B3GALT1: variants seen among roughly 807,000 people sequenced by gnomAD.
The protein encoded by B3GALT1 is UDP-Gal:betaGlcNAc beta 1,3-galactosyltransferase, polypeptide 1.
Under a neutral mutation model 23.2 loss-of-function variants are expected in B3GALT1, and 10 were observed. The observed-to-expected ratio is 0.43, with a 90% CI of 0.27 to 0.73. The LOEUF is 0.73. Among genes scored for constraint, B3GALT1 ranks in the 30% least tolerant of loss-of-function variants. The probability of loss-of-function intolerance (pLI) is 0.21; values close to 1 mark genes in which losing one functional copy is unlikely to be tolerated. For synonymous variants in B3GALT1, 156 were observed against 141.5 expected, an observed-to-expected ratio of 1.10 and a Z score of -0.73; for missense variants, 299 against 405.4, an observed-to-expected ratio of 0.74 and a Z score of 2.25.
chr2:167,439,422 C>G (rs982913620), intron 1 of B3GALT1, among the ~76,000 whole-genome samples: 1 of 152,042 alleles, frequency 6.6e-6, no homozygotes, highest in African/African-American at 2.4e-5. Flanking sequence ...ATGCATATGT[C>G]ATTTGTTTTA....
chr2:167,709,377 AAG>A (rs1451779758), intron 3 of B3GALT1, among the ~76,000 whole-genome samples: 8 of 152,196 alleles, frequency 5.3e-5, no homozygotes, highest in Non-Finnish European at 1.0e-4. Context: ...TGAGGTGAGA[AAG>A]AGAGGGAAGG....
At chr2:167,617,778 TCA>T (rs948576957) in intron 2 of B3GALT1, among the ~76,000 whole-genome samples, 7 of 152,132 alleles carry the variant, frequency 4.6e-5, no homozygotes, top group African/African-American at 1.7e-4. Context: ...AGTAGGGGCA[TCA>T]AGGTTCTAAT....
chr2:167,584,532 C>T (rs547175730), intron 2 of B3GALT1, among the ~76,000 whole-genome samples: 2 of 152,272 alleles, frequency 1.3e-5, no homozygotes, highest in South Asian at 4.1e-4. Flanking sequence ...TTCTCTAGTT[C>T]GGTTCTGACA....
At chr2:167,711,792 C>G (rs1687051717) in intron 3 of B3GALT1, among the ~76,000 whole-genome samples, 1 of 152,070 alleles carries the variant, frequency 6.6e-6, no homozygotes, top group African/African-American at 2.4e-5. Flanking sequence ...TGGCAAAACT[C>G]CATCTATCCT....
At chr2:167,630,471 A>AT (rs1685420397) in intron 2 of B3GALT1, among the ~76,000 whole-genome samples, 2 of 151,820 alleles carry the variant, frequency 1.3e-5, no homozygotes, top group Non-Finnish European at 2.9e-5. Context: ...TTTGGTAGTC[A>AT]CTGGGTATTA....
chr2:167,688,992 C>T (rs1686664359), intron 3 of B3GALT1, among the ~76,000 whole-genome samples: 1 of 152,060 alleles, frequency 6.6e-6, no homozygotes, highest in African/African-American at 2.4e-5. Flanking sequence ...TGACTTTGCA[C>T]ACTCCACATT....
chr2:167,766,754 C>A (rs1395605514), intron 3 of B3GALT1, among the ~76,000 whole-genome samples: 1 of 152,282 alleles, frequency 6.6e-6, no homozygotes, highest in East Asian at 1.9e-4. Flanking sequence ...GAAGGACTCT[C>A]TGGTACAGTT....
intron 1 of B3GALT1, among the ~76,000 whole-genome samples, chr2:167,400,697 A>G (rs1328792509): frequency 6.6e-6 from 1 of 152,128 alleles, no homozygotes; most frequent in African/African-American, 2.4e-5. Context: ...TTCACTGCCA[A>G]TTCAGCGGGA....
At chr2:167,867,232 C>T (rs977353068) in intron 4 of B3GALT1, among the ~76,000 whole-genome samples, 1 of 152,048 alleles carries the variant, frequency 6.6e-6, no homozygotes, top group Non-Finnish European at 1.5e-5. Context: ...GGCCGAGAAG[C>T]TCTTTTTTTC....
At chr2:167,719,437 T>C (rs918829274) in intron 3 of B3GALT1, among the ~76,000 whole-genome samples, 1 of 152,238 alleles carries the variant, frequency 6.6e-6, no homozygotes, top group African/African-American at 2.4e-5. Flanking sequence ...CACTAAAGTT[T>C]ACCTAATATA....
chr2:167,740,578 T>C (rs1002493050), intron 3 of B3GALT1, among the ~76,000 whole-genome samples: 1 of 152,206 alleles, frequency 6.6e-6, no homozygotes, highest in East Asian at 1.9e-4. Context: ...AAATGCATTA[T>C]AGGAATGGCC....
At position 167,831,641 on chromosome 2, in the gene B3GALT1, G is replaced by A. The variant is rs948033278; in HGVS notation, c.-230+12848G>A. 2.6e-5 allele frequency among the ~76,000 whole-genome samples: 4 copies of A among 152,258 alleles called. No individual in the cohort carries two copies. In the South Asian group the frequency reaches 8.3e-4, roughly 32 times the overall value. On this transcript the variant is annotated intron_variant, in intron 4 of 4. Transcript: ENST00000392690. ...AGAGGGAAAAAGAGATGGGAGGGAC[G>A]CTTTAAAGGTGGATTACTAAGTGCT... is the stretch of plus-strand genomic sequence containing the variant.
At chr2:167,754,206 C>T (rs1157587265) in intron 3 of B3GALT1, among the ~76,000 whole-genome samples, 1 of 152,104 alleles carries the variant, frequency 6.6e-6, no homozygotes, top group Non-Finnish European at 1.5e-5. Context: ...TTCAGAAGCA[C>T]CCTAGTACTT....
intron 3 of B3GALT1, among the ~76,000 whole-genome samples, chr2:167,654,796 TC>T (rs1451478038): frequency 1.1e-5 from 1 of 87,714 alleles, no homozygotes; most frequent in African/African-American, 3.2e-5. Context: ...ACACCCAGCC[TC>T]TTTCTTTTTT....
At chr2:167,591,801 T>C (rs1467683538) in intron 2 of B3GALT1, among the ~76,000 whole-genome samples, 1 of 152,066 alleles carries the variant, frequency 6.6e-6, no homozygotes, top group Non-Finnish European at 1.5e-5. Context: ...GTTGTTGTTG[T>C]TATTATAGCA....
chr2:167,397,252 C>T (rs1698113976), intron 1 of B3GALT1, among the ~76,000 whole-genome samples: 1 of 150,760 alleles, frequency 6.6e-6, no homozygotes, highest in Non-Finnish European at 1.5e-5. Context: ...TTTCCATTTT[C>T]CCTCCTTTGC....
At chr2:167,656,413 T>C (rs1685956769) in intron 3 of B3GALT1, among the ~76,000 whole-genome samples, 1 of 152,144 alleles carries the variant, frequency 6.6e-6, no homozygotes, top group African/African-American at 2.4e-5. Context: ...AAAAGAGAAA[T>C]TTTCAGGACC....
chr2:167,325,991 C>T (rs1230412075), intron 1 of B3GALT1, among the ~76,000 whole-genome samples: 1 of 152,038 alleles, frequency 6.6e-6, no homozygotes, highest in African/African-American at 2.4e-5. Context: ...GCTAGGATTA[C>T]AGGCATGAGC....
intron 2 of B3GALT1, among the ~76,000 whole-genome samples, chr2:167,521,393 A>G (rs574768912): frequency 6.6e-6 from 1 of 152,096 alleles, no homozygotes; most frequent in Non-Finnish European, 1.5e-5. Flanking sequence ...TTCCCATTTC[A>G]TGATTATTTT....
Sources: gnomAD v4.1 joint callset for allele counts (sites outside exome capture counted in the v4.1 genomes callset) on GRCh38, gnomAD v4.1.1 for gene constraint, MANE v1.5 for transcripts, NCBI Gene and HGNC (gene_info 2026-07-23, HGNC 2026-07-21) for gene names.